The following CHCHD3 variants were observed in gnomAD, a reference collection of about 807,000 sequenced individuals.
The protein encoded by CHCHD3 is MICOS complex subunit MIC19.
CHCHD3 carries 20 observed loss-of-function variants against 38.2 expected under a neutral mutation model. The ratio of observed to expected loss-of-function variants is 0.52; its 90% CI spans 0.37 to 0.76. The LOEUF (loss-of-function observed/expected upper bound fraction) is 0.76. CHCHD3 is among the 30% of genes least tolerant of loss of function. The probability of loss-of-function intolerance (pLI) is 0.00; values close to 1 mark genes in which losing one functional copy is unlikely to be tolerated. For missense variants in CHCHD3, 245 were observed against 279.2 expected, an observed-to-expected ratio of 0.88 and a Z score of 0.87; for synonymous variants, 82 against 100.0, an observed-to-expected ratio of 0.82 and a Z score of 1.07.
rs144689403 is a variant in CHCHD3 at position 132,877,278 on chromosome 7, A to G, written c.453+8384T>C. Among the ~76,000 whole-genome samples the G allele has an allele frequency of 9.7e-4, 148 of 152,294 alleles. 1 individual carries two copies. In the East Asian group the frequency reaches 0.028, roughly 28 times the overall value. Reference sequence around the variant, plus strand: ...TTCAGAGAGGTTAACAGAAAAGCCAACGCATTTTGAGGATTTGTTGAATAA... The same window carrying G: ...TTCAGAGAGGTTAACAGAAAAGCCAGCGCATTTTGAGGATTTGTTGAATAA... On this transcript the variant is annotated intron_variant, in intron 5 of 7. Coordinates refer to ENST00000262570, the MANE Select transcript of CHCHD3 (RefSeq NM_017812.4).
At chr7:132,795,581 G>A (rs908615752) in intron 7 of CHCHD3, among the ~76,000 whole-genome samples, 4 of 152,232 alleles carry the variant, frequency 2.6e-5, no homozygotes, top group African/African-American at 7.2e-5. Flanking sequence ...TTTACACCAA[G>A]TGATATTATT....
chr7:132,923,072 A>G (rs1810299052), intron 4 of CHCHD3, among the ~76,000 whole-genome samples: 1 of 152,186 alleles, frequency 6.6e-6, no homozygotes, highest in Non-Finnish European at 1.5e-5. Context: ...CAATCAGAAT[A>G]TTGTCTTGCT....
At chr7:133,025,207 AAG>A (rs987624142) in intron 2 of CHCHD3, among the ~76,000 whole-genome samples, 4 of 152,210 alleles carry the variant, frequency 2.6e-5, no homozygotes, top group Non-Finnish European at 5.9e-5. Flanking sequence ...AGAGACAGAG[AAG>A]AGTGCTGATA....
chr7:132,975,146 T>C, intron 4 of CHCHD3, 23 bp downstream of exon 4: 5 of 1,586,084 alleles, frequency 3.2e-6, no homozygotes, highest in Non-Finnish European at 4.3e-6. Flanking sequence ...CAAGAAAATT[T>C]CTCCTACATT....
At chr7:133,015,781 A>T (rs1324351657) in intron 3 of CHCHD3, among the ~76,000 whole-genome samples, 1 of 152,168 alleles carries the variant, frequency 6.6e-6, no homozygotes, top group African/African-American at 2.4e-5. Context: ...GAAATATCTG[A>T]GACTGTGTAA....
At chr7:132,932,159 T>C (rs1264844326) in intron 4 of CHCHD3, among the ~76,000 whole-genome samples, 2 of 152,212 alleles carry the variant, frequency 1.3e-5, no homozygotes, top group African/African-American at 4.8e-5. Flanking sequence ...GCAGCTGATC[T>C]ATCAATCAAT....
intron 5 of CHCHD3, among the ~76,000 whole-genome samples, chr7:132,867,916 G>T (rs1808671500): frequency 6.6e-6 from 1 of 152,090 alleles, no homozygotes; most frequent in South Asian, 2.1e-4. Context: ...AAGTTAGCAG[G>T]TATTTTTACC....
chr7:132,881,268 G>A (rs1809049233), intron 5 of CHCHD3, among the ~76,000 whole-genome samples: 1 of 152,152 alleles, frequency 6.6e-6, no homozygotes, highest in African/African-American at 2.4e-5. Context: ...TACCTGGGTA[G>A]AGGGAGTTCC....
chr7:132,861,987 C>T (rs1250380064), intron 5 of CHCHD3, among the ~76,000 whole-genome samples: 1 of 151,988 alleles, frequency 6.6e-6, no homozygotes, highest in African/African-American at 2.4e-5. Context: ...TCCCTATATT[C>T]CTTCCCACTA....
At chr7:132,935,037 T>G (rs1394642310) in intron 4 of CHCHD3, among the ~76,000 whole-genome samples, 1 of 152,218 alleles carries the variant, frequency 6.6e-6, no homozygotes, top group African/African-American at 2.4e-5. Context: ...AGACAAGTTC[T>G]GAGTATACTC....
At chr7:133,068,073 G>A (rs770659263) in intron 2 of CHCHD3, among the ~76,000 whole-genome samples, 3 of 151,584 alleles carry the variant, frequency 2.0e-5, no homozygotes, top group South Asian at 2.1e-4. Flanking sequence ...CCAAGATCAC[G>A]CCACTGCACT....
chr7:132,886,680 AT>A (rs1267425127), intron 4 of CHCHD3, among the ~76,000 whole-genome samples: 3 of 144,938 alleles, frequency 2.1e-5, no homozygotes, highest in African/African-American at 5.1e-5. Flanking sequence ...ATACATATAT[AT>A]ACACACACAC....
chr7:133,054,734 T>C (rs1294868035), intron 2 of CHCHD3, among the ~76,000 whole-genome samples: 3 of 152,164 alleles, frequency 2.0e-5, no homozygotes, highest in Admixed American at 2.0e-4. Flanking sequence ...CTTTATACAT[T>C]TGCCTATACT....
At chr7:132,812,115 C>T (rs1295090425) in intron 6 of CHCHD3, among the ~76,000 whole-genome samples, 2 of 152,044 alleles carry the variant, frequency 1.3e-5, no homozygotes, top group Non-Finnish European at 2.9e-5. Flanking sequence ...CCCCTTTCCC[C>T]CTTTCATTCC....
At chr7:132,841,463 C>G (rs975265933) in intron 5 of CHCHD3, among the ~76,000 whole-genome samples, 2 of 149,004 alleles carry the variant, frequency 1.3e-5, no homozygotes, top group East Asian at 3.9e-4. Context: ...ACAAAAAACA[C>G]TCATTCTGTT....
chr7:132,855,087 C>T (rs1045762203), intron 5 of CHCHD3, among the ~76,000 whole-genome samples: 2 of 152,228 alleles, frequency 1.3e-5, no homozygotes, highest in Non-Finnish European at 2.9e-5. Context: ...CAAGGTCACA[C>T]ATTTGCTGGT....
chr7:132,891,191 G>A (rs534305055), intron 4 of CHCHD3, among the ~76,000 whole-genome samples: 2 of 152,268 alleles, frequency 1.3e-5, no homozygotes, highest in African/African-American at 2.4e-5. Context: ...ATTACATAGG[G>A]TTCAATGAGT....
At chr7:132,824,294 T>TA (rs1198933816) in intron 6 of CHCHD3, among the ~76,000 whole-genome samples, 1 of 145,696 alleles carries the variant, frequency 6.9e-6, no homozygotes, top group Admixed American at 6.9e-5. Context: ...AAGAAAAAAA[T>TA]ATTCCCAAGT....
In CHCHD3 at chr7:132,950,055, A is replaced by G. The variant is rs73724127; in HGVS notation, c.369+25114T>C. ...TGTAAAACATTAAATATGAAAAAAT[A>G]TATCAGTAGATATTAAAAAAGAGCA... On this transcript the variant is annotated intron_variant, in intron 4 of 7. Coordinates refer to ENST00000262570, the MANE Select transcript of CHCHD3 (RefSeq NM_017812.4). Among the ~76,000 whole-genome samples the G allele has an allele frequency of 8.5e-3, 1,294 of 152,322 alleles. 22 individuals carry two copies. Among genetic ancestry groups the G allele is most frequent in the African/African-American group, 0.03 (1,234 of 41,560 alleles).
Sources: gnomAD v4.1 joint callset for allele counts (sites outside exome capture counted in the v4.1 genomes callset) on GRCh38, gnomAD v4.1.1 for gene constraint, MANE v1.5 for transcripts, NCBI Gene and HGNC (gene_info 2026-07-23, HGNC 2026-07-21) for gene names.